MAP4K3: variants seen among roughly 807,000 people sequenced by gnomAD.
MAP4K3 encodes the protein mitogen-activated protein kinase kinase kinase kinase 3, also known as MAPK/ERK kinase kinase kinase 3.
MAP4K3 carries 94 observed loss-of-function variants against 143.5 expected under a neutral mutation model. The observed-to-expected ratio is 0.65, with a 90% CI of 0.55 to 0.78. The LOEUF is 0.78. Among genes scored for constraint, MAP4K3 ranks in the 30% least tolerant of loss-of-function variants. The pLI, the probability that MAP4K3 is intolerant of heterozygous loss-of-function variation, is 0.00. For missense variants in MAP4K3, 1,077 were observed against 1,068.1 expected (o/e 1.01, Z -0.12); for synonymous variants, 416 against 347.2 (o/e 1.20, Z -2.20).
chr2:39,389,594 G>A (rs1433514967), intron 1 of MAP4K3, among the ~76,000 whole-genome samples: 1 of 152,100 alleles, frequency 6.6e-6, no homozygotes, highest in African/African-American at 2.4e-5. Flanking sequence ...AGACTTTTCA[G>A]AGAAAAAAGA....
chr2:39,274,340 C>G (rs966861089), intron 24 of MAP4K3, among the ~76,000 whole-genome samples: 2 of 151,826 alleles, frequency 1.3e-5, no homozygotes, highest in South Asian at 4.2e-4. Flanking sequence ...CCTCAGCCTC[C>G]CGAGTAGCTG....
intron 1 of MAP4K3, among the ~76,000 whole-genome samples, chr2:39,397,067 A>G (rs545637059): frequency 6.6e-5 from 10 of 152,358 alleles, no homozygotes; most frequent in African/African-American, 2.4e-4. Flanking sequence ...TCATCAATTT[A>G]AAAACTTGAA....
At chr2:39,420,233 T>G (rs1231258409) in intron 1 of MAP4K3, among the ~76,000 whole-genome samples, 1 of 152,240 alleles carries the variant, frequency 6.6e-6, no homozygotes, top group Admixed American at 6.5e-5. Flanking sequence ...TTTACTCCAT[T>G]ATTCTTAACT....
intron 2 of MAP4K3, among the ~76,000 whole-genome samples, chr2:39,371,987 A>G (rs1305779711): frequency 6.6e-6 from 1 of 151,512 alleles, no homozygotes; most frequent in African/African-American, 2.4e-5. Flanking sequence ...ATTGCAAAGG[A>G]AGCAGTCAAA....
At chr2:39,314,081 G>A (rs564805950) in intron 13 of MAP4K3, among the ~76,000 whole-genome samples, 2 of 152,146 alleles carry the variant, frequency 1.3e-5, no homozygotes, top group South Asian at 4.2e-4. Context: ...CCAGGCTGGA[G>A]TGCAGTGGCA....
chr2:39,303,254 T>A (rs1025380308), intron 15 of MAP4K3: 3 of 166,010 alleles, frequency 1.8e-5, no homozygotes, highest in African/African-American at 7.2e-5. Flanking sequence ...TTTAACGCAG[T>A]AGATGATTTA....
intron 1 of MAP4K3, among the ~76,000 whole-genome samples, chr2:39,395,991 T>A (rs544519282): frequency 1.3e-5 from 2 of 152,270 alleles, no homozygotes; most frequent in South Asian, 2.1e-4. Flanking sequence ...TATTAAAATA[T>A]CAGGAAAAGG....
intron 2 of MAP4K3, among the ~76,000 whole-genome samples, chr2:39,376,586 T>C (rs1212240810): frequency 6.6e-6 from 1 of 152,150 alleles, no homozygotes; most frequent in Non-Finnish European, 1.5e-5. Flanking sequence ...CTAAGCTCAG[T>C]GCTGGGGGCA....
At chr2:39,286,989 A>G in intron 20 of MAP4K3, 25 bp from the exon 21 acceptor site, 1 of 1,446,976 alleles carries the variant, frequency 6.9e-7, no homozygotes, top group Non-Finnish European at 9.5e-7. Context: ...ATTCATTGAA[A>G]ATGATTAATC....
intron 13 of MAP4K3, 28 bp downstream of exon 13, chr2:39,315,282 T>C (rs1259022854): frequency 2.9e-6 from 4 of 1,400,610 alleles, no homozygotes; most frequent in Admixed American, 3.9e-5. Context: ...TATCATTAAA[T>C]CATAAACTGT....
chr2:39,356,471 C>A, intron 2 of MAP4K3, 132 bp from the exon 3 acceptor site: 1 of 592,802 alleles, frequency 1.7e-6, no homozygotes. Flanking sequence ...TAAAACATAG[C>A]CAATAAGTTA....
chr2:39,418,433 G>A (rs1667452616), intron 1 of MAP4K3, among the ~76,000 whole-genome samples: 1 of 152,160 alleles, frequency 6.6e-6, no homozygotes, highest in Non-Finnish European at 1.5e-5. Flanking sequence ...AGAATTTCAA[G>A]TAATTTACGA....
Position 39,260,767 on chromosome 2 carries a change from A to C in MAP4K3, c.2147T>G (p.Phe716Cys), listed in dbSNP as rs1243205526. 1 of 1,610,030 alleles carries C rather than the reference A, an allele frequency of 6.2e-7. No homozygotes were observed. The highest frequency in any genetic ancestry group is 8.5e-7 in the Non-Finnish European group (1 of 1,177,234). ...QKFMLIKHID[F>C]PIPCPLRMFE... The stretch of plus-strand genomic sequence containing the variant: ...CATTCTAAGTGGACATGGTATAGGA[A>C]AATCTATGTGCTAGAGAAAGAAACA... The change falls in exon 29 of 34, where the codon TTT becomes TGT. Residue 716 changes from phenylalanine to cysteine, a missense_variant. Around this residue, in one of 2 missense-constraint regions of MAP4K3, gnomAD observed 864 missense variants for 801.2 expected, o/e 1.08. Coordinates refer to ENST00000263881, the MANE Select transcript of MAP4K3 (RefSeq NM_003618.4).
chr2:39,258,373 G>C lies in MAP4K3; in HGVS notation c.2445C>G (p.Thr815=). ...KSSRKLSSEL[T]FDFQIESIVC... Reference sequence around the variant, plus strand: ...CTATTGATTCAATCTGGAAATCAAAGGTGAGTTCTGATGACAATTTCCTGC... The same window carrying C: ...CTATTGATTCAATCTGGAAATCAAACGTGAGTTCTGATGACAATTTCCTGC... The change falls in exon 31 of 34, where the codon ACC becomes ACG. Residue 815 remains threonine (T), a synonymous_variant. Coordinates refer to ENST00000263881, the MANE Select transcript of MAP4K3 (RefSeq NM_003618.4). The C allele has an allele frequency of 1.9e-6, 3 of 1,608,562 alleles. No individual in the cohort carries two copies. Among genetic ancestry groups the C allele is most frequent in the Non-Finnish European group, 2.5e-6 (3 of 1,176,914 alleles).
intron 1 of MAP4K3, among the ~76,000 whole-genome samples, chr2:39,379,244 C>T (rs1013624578): frequency 1.3e-5 from 2 of 151,878 alleles, no homozygotes; most frequent in Non-Finnish European, 2.9e-5. Context: ...TATGAGGCAC[C>T]GTCATTGCTG....
chr2:39,272,709 T>C (rs1681081653), intron 24 of MAP4K3, among the ~76,000 whole-genome samples, 167 bp from the exon 25 acceptor site: 1 of 152,174 alleles, frequency 6.6e-6, no homozygotes, highest in Admixed American at 6.5e-5. Flanking sequence ...ATGATATATA[T>C]ACATACATAT....
intron 1 of MAP4K3, among the ~76,000 whole-genome samples, chr2:39,417,076 G>A (rs952098576): frequency 1.3e-5 from 2 of 152,160 alleles, no homozygotes; most frequent in African/African-American, 4.8e-5. Flanking sequence ...AAGAGTAAAT[G>A]AGTAACTTAA....
chr2:39,336,416 G>A lies in MAP4K3; in HGVS notation c.414+504C>T, dbSNP rs186091824. 3.7e-4 allele frequency among the ~76,000 whole-genome samples: 50 copies of A among 134,040 alleles called. No individual in the cohort carries two copies. In the East Asian group the frequency reaches 9.8e-3, roughly 26 times the overall value. 87.9% of individuals were successfully genotyped at this position (134,040 alleles called of 152,430 possible). A position where few individuals can be genotyped will look rare whatever the true frequency, so the allele number is the denominator to read the frequency against. On this transcript the variant is annotated intron_variant, in intron 6 of 33. Transcript: ENST00000263881. ...TGAACCCGGGAGGGGAGGTTGCAGTGAGCCGACATCGTGCCACTGCACTCT... is the reference window on the plus strand; with the variant it reads ...TGAACCCGGGAGGGGAGGTTGCAGTAAGCCGACATCGTGCCACTGCACTCT...
chr2:39,267,332 G>C (rs749560694), intron 26 of MAP4K3, 85 bp from the exon 27 acceptor site: 5 of 998,876 alleles, frequency 5.0e-6, no homozygotes, highest in Non-Finnish European at 7.9e-6. Flanking sequence ...AGTGCACAAA[G>C]GATGAGTTCA....
Sources: allele counts gnomAD v4.1 joint callset (sites outside exome capture counted in the v4.1 genomes callset), GRCh38; gene constraint gnomAD v4.1.1; regional missense constraint gnomAD v4.1.1; transcripts MANE v1.5; gene names NCBI Gene and HGNC (gene_info 2026-07-23, HGNC 2026-07-21).